PTPRT: variants seen among roughly 807,000 people sequenced by gnomAD.
PTPRT encodes protein tyrosine phosphatase receptor type T.
In PTPRT, 56 loss-of-function variants were observed where a neutral mutation model predicts 176.8. That is an observed-to-expected ratio of 0.32 (90% CI 0.26 to 0.40). The LOEUF (loss-of-function observed/expected upper bound fraction) is 0.40, where lower values mean the gene tolerates loss of function less well. Among genes scored for constraint, PTPRT ranks in the 10% least tolerant of loss-of-function variants. The pLI, the probability that PTPRT is intolerant of heterozygous loss-of-function variation, is 1.00. For missense variants in PTPRT, 1,540 were observed against 1,908.2 expected (o/e 0.81, Z 3.60); for synonymous variants, 783 against 739.0 (o/e 1.06, Z -0.96).
chr20:43,127,225 C>T (rs1009187065), intron 1 of PTPRT, among the ~76,000 whole-genome samples: 2 of 152,090 alleles, frequency 1.3e-5, no homozygotes, highest in Admixed American at 6.5e-5. Context: ...AGATGGAGAC[C>T]ATCCTGGCTA....
At chr20:42,666,036 T>A (rs567004053) in intron 7 of PTPRT, among the ~76,000 whole-genome samples, 1 of 152,124 alleles carries the variant, frequency 6.6e-6, no homozygotes, top group South Asian at 2.1e-4. Flanking sequence ...GGCACATGTA[T>A]ACATATGTAA....
chr20:42,775,132 C>A (rs1204172398), intron 4 of PTPRT, among the ~76,000 whole-genome samples: 1 of 151,640 alleles, frequency 6.6e-6, no homozygotes, highest in African/African-American at 2.4e-5. Flanking sequence ...AGACCCAATT[C>A]CCCCCAGATG....
At chr20:43,135,300 A>T (rs2013793468) in intron 1 of PTPRT, among the ~76,000 whole-genome samples, 2 of 152,230 alleles carry the variant, frequency 1.3e-5, no homozygotes, top group African/African-American at 4.8e-5. Context: ...TCTTAAGAAA[A>T]GTGTTTACAA....
intron 1 of PTPRT, among the ~76,000 whole-genome samples, chr20:43,187,849 T>C (rs115680257): frequency 0.012 from 1,853 of 152,340 alleles, 31 homozygotes; most frequent in African/African-American, 0.042. Context: ...ACATTACTCA[T>C]TTAAAAATTG....
rs1163466920 is a variant in PTPRT at position 42,578,913 on chromosome 20, C to T, written c.1153+98953G>A. On this transcript the variant is annotated intron_variant, in intron 7 of 30. Transcript: ENST00000373187. ...AAGTTTTTTTTTTTTGGGGGGGGGT[C>T]GGTTTTTATTATACTTTAAGTTTTA... Among the ~76,000 whole-genome samples the T allele has an allele frequency of 7.2e-5, 10 of 139,344 alleles. No individual in the cohort carries two copies. The South Asian group carries it at 9.2e-4, about 13-fold the overall frequency. 91.4% of individuals were successfully genotyped at this position (139,344 alleles called of 152,430 possible). A position where few individuals can be genotyped will look rare whatever the true frequency, so the allele number is the denominator to read the frequency against.
chr20:42,711,526 T>C (rs1275198125), intron 6 of PTPRT, among the ~76,000 whole-genome samples: 2 of 152,182 alleles, frequency 1.3e-5, no homozygotes, highest in African/African-American at 4.8e-5. Context: ...CCACCATGAT[T>C]GGAAGCCTCC....
intron 7 of PTPRT, among the ~76,000 whole-genome samples, chr20:42,589,385 T>G (rs958253685): frequency 6.6e-6 from 1 of 152,176 alleles, no homozygotes; most frequent in African/African-American, 2.4e-5. Context: ...ACTCAATTGT[T>G]CAAAAAGCAA....
At position 42,072,926 on chromosome 20, in the gene PTPRT, T is replaced by C. The variant is rs1475291753; in HGVS notation, c.*7953A>G. On this transcript the variant is annotated 3_prime_UTR_variant, in exon 31 of 31. Transcript: ENST00000373187. The stretch of plus-strand genomic sequence containing the variant: ...AGTCAAAAAATATATCTGATATTCA[T>C]TGACCTGACATTATTTACCTTCTGC... The C allele has an allele frequency of 4.9e-5, 11 of 224,718 alleles. No individual in the cohort carries two copies. In the East Asian group the frequency reaches 6.5e-4, roughly 13 times the overall value. The allele number at this position is 224,718 out of a possible 1,614,324, so 13.9% of individuals were successfully genotyped here. A position where few individuals can be genotyped will look rare whatever the true frequency, so the allele number is the denominator to read the frequency against.
intron 1 of PTPRT, among the ~76,000 whole-genome samples, chr20:42,932,738 G>A (rs1979941863): frequency 6.6e-6 from 1 of 152,196 alleles, no homozygotes; most frequent in African/African-American, 2.4e-5. Context: ...TCCTGGAGAA[G>A]GACCTTAAAA....
intron 1 of PTPRT, among the ~76,000 whole-genome samples, chr20:42,910,328 G>A (rs993467031): frequency 2.6e-5 from 4 of 152,144 alleles, no homozygotes; most frequent in South Asian, 2.1e-4. Context: ...GCTGTGCCGC[G>A]GTTGGCCATA....
At chr20:43,159,127 C>T (rs1195081442) in intron 1 of PTPRT, among the ~76,000 whole-genome samples, 3 of 152,160 alleles carry the variant, frequency 2.0e-5, no homozygotes, top group Non-Finnish European at 2.9e-5. Flanking sequence ...AGCCAGTTAT[C>T]GCTGTCAGCA....
At chr20:43,162,375 T>C (rs2014721936) in intron 1 of PTPRT, among the ~76,000 whole-genome samples, 1 of 152,140 alleles carries the variant, frequency 6.6e-6, no homozygotes, top group Non-Finnish European at 1.5e-5. Flanking sequence ...CTTTGACAAA[T>C]AAGGAAACTG....
chr20:43,026,938 T>C (rs549930751), intron 1 of PTPRT, among the ~76,000 whole-genome samples: 1 of 152,332 alleles, frequency 6.6e-6, no homozygotes, highest in South Asian at 2.1e-4. Context: ...TACTCCATTG[T>C]GTATATGTAC....
intron 1 of PTPRT, among the ~76,000 whole-genome samples, chr20:43,017,487 T>C (rs1985433503): frequency 1.3e-5 from 2 of 152,338 alleles, no homozygotes; most frequent in African/African-American, 4.8e-5. Flanking sequence ...GTCCCTGTTA[T>C]GTCTGTCTGT....
rs142260779 is a variant in PTPRT, at chr20:42,768,495, A to G, written c.684+2940T>C. Among the ~76,000 whole-genome samples the G allele has an allele frequency of 8.7e-3, 1,324 of 152,288 alleles. 12 individuals are homozygous for G. Among genetic ancestry groups the G allele is most frequent in the Non-Finnish European group, 0.013 (881 of 68,030 alleles). The stretch of plus-strand genomic sequence containing the variant: ...TTCCTGTCTGGCTTCTGTGTGAACA[A>G]CAGGTAGAATTTTCCTGAGCAATTG... On this transcript the variant is annotated intron_variant, in intron 5 of 30. Transcript: ENST00000373187.
At chr20:43,095,721 C>T (rs2012109515) in intron 1 of PTPRT, among the ~76,000 whole-genome samples, 1 of 112,438 alleles carries the variant, frequency 8.9e-6, no homozygotes, top group Admixed American at 8.2e-5. Flanking sequence ...CTGTTTCTTC[C>T]TCTCTCTCTC....
chr20:43,047,145 C>T (rs1348007568), intron 1 of PTPRT, among the ~76,000 whole-genome samples: 1 of 151,688 alleles, frequency 6.6e-6, no homozygotes, highest in Non-Finnish European at 1.5e-5. Context: ...CTGCCTTTCT[C>T]CCCCATCCTC....
At chr20:42,715,014 G>A (rs2146210708) in intron 6 of PTPRT, among the ~76,000 whole-genome samples, 1 of 152,344 alleles carries the variant, frequency 6.6e-6, no homozygotes, top group Non-Finnish European at 1.5e-5. Flanking sequence ...CCCACCTGCA[G>A]TGGAGTTGCA....
At chr20:42,245,289 G>A (rs1036704996) in intron 14 of PTPRT, among the ~76,000 whole-genome samples, 1 of 152,144 alleles carries the variant, frequency 6.6e-6, no homozygotes, top group Non-Finnish European at 1.5e-5. Context: ...ATATCATCCT[G>A]TTTATGTCCA....
Sources: gnomAD v4.1 joint callset for allele counts (sites outside exome capture counted in the v4.1 genomes callset) on GRCh38, gnomAD v4.1.1 for gene constraint, MANE v1.5 for transcripts, NCBI Gene and HGNC (gene_info 2026-07-23, HGNC 2026-07-21) for gene names.